The following RTN4RL1 variants were observed in gnomAD, a reference collection of about 807,000 sequenced individuals.
RTN4RL1 encodes reticulon 4 receptor like 1, also known as reticulon-4 receptor-like 1.
Under a neutral mutation model 25.6 loss-of-function variants are expected in RTN4RL1, and 7 were observed. That is an observed-to-expected ratio of 0.27 (90% CI 0.16 to 0.51). The LOEUF (loss-of-function observed/expected upper bound fraction) is 0.51, where lower values mean the gene tolerates loss of function less well. Among genes scored for constraint, RTN4RL1 ranks in the 20% least tolerant of loss-of-function variants. The pLI is 0.97. For synonymous variants in RTN4RL1, 297 were observed against 288.2 expected (o/e 1.03, Z -0.31); for missense variants, 500 against 615.6 (o/e 0.81, Z 1.99).
chr17:1,999,673 G>GC (rs61003177), intron 1 of RTN4RL1, among the ~76,000 whole-genome samples: 97,104 of 150,402 alleles, frequency 0.65, 31,521 homozygotes, highest in Middle Eastern at 0.7. Flanking sequence ...CCCTATACAT[G>GC]CCCCCCCCAC....
intron 1 of RTN4RL1, among the ~76,000 whole-genome samples, chr17:1,952,533 C>T (rs1047441276): frequency 6.6e-6 from 1 of 151,424 alleles, no homozygotes; most frequent in Admixed American, 6.6e-5. Context: ...TTAGTAGAGA[C>T]GGGGTTTCAT....
chr17:1,955,137 T>C (rs1475861418), intron 1 of RTN4RL1, among the ~76,000 whole-genome samples: 2 of 152,192 alleles, frequency 1.3e-5, no homozygotes, highest in South Asian at 2.1e-4. Flanking sequence ...TGCCAGTCTG[T>C]GACCTCAGGC....
chr17:2,015,675 A>T lies in RTN4RL1; in HGVS notation c.13+9178T>A, dbSNP rs571958583. On this transcript the variant is annotated intron_variant, in intron 1 of 1. Coordinates refer to ENST00000331238, the MANE Select transcript of RTN4RL1 (RefSeq NM_178568.4). ...TGTCAAGCCAGAGCAGTGACTGTGG[A>T]TGCCAGGGAAAAAGCAGGGTCTGGC... Among the ~76,000 whole-genome samples, 8 of 152,332 alleles carry T rather than the reference A, an allele frequency of 5.3e-5. No individual in the cohort carries two copies. In the South Asian group the frequency reaches 1.7e-3, roughly 32 times the overall value.
intron 1 of RTN4RL1, among the ~76,000 whole-genome samples, chr17:1,992,927 G>T (rs1343932919): frequency 6.6e-6 from 1 of 152,184 alleles, no homozygotes; most frequent in Non-Finnish European, 1.5e-5. Context: ...CGGCCTGAAT[G>T]ATGTCACTGT....
At chr17:1,983,427 C>T (rs985430192) in intron 1 of RTN4RL1, among the ~76,000 whole-genome samples, 18 of 152,328 alleles carry the variant, frequency 1.2e-4, no homozygotes, top group African/African-American at 3.6e-4. Flanking sequence ...ACAAAACATC[C>T]GCAAGCCCTT....
chr17:1,959,035 C>A (rs982765476), intron 1 of RTN4RL1, among the ~76,000 whole-genome samples: 2 of 152,236 alleles, frequency 1.3e-5, no homozygotes, highest in Non-Finnish European at 2.9e-5. Flanking sequence ...TCTCAAAACA[C>A]GCCGGTGGGC....
intron 1 of RTN4RL1, among the ~76,000 whole-genome samples, chr17:1,986,948 C>T (rs1041260861): frequency 4.6e-5 from 7 of 151,696 alleles, no homozygotes; most frequent in East Asian, 1.9e-4. Context: ...ATCTCTAAGC[C>T]GCAGCTTCCT....
At chr17:1,942,856 G>C (rs144322578) in intron 1 of RTN4RL1, among the ~76,000 whole-genome samples, 204 of 152,264 alleles carry the variant, frequency 1.3e-3, no homozygotes, top group African/African-American at 4.5e-3. Context: ...GCCACAGCCC[G>C]TGCGAAGGCC....
At chr17:2,014,043 T>C (rs1399562410) in intron 1 of RTN4RL1, among the ~76,000 whole-genome samples, 1 of 152,242 alleles carries the variant, frequency 6.6e-6, no homozygotes. Flanking sequence ...CCTTGGATCA[T>C]TTCCCAAATA....
intron 1 of RTN4RL1, among the ~76,000 whole-genome samples, chr17:1,976,797 G>C (rs1017186375): frequency 6.6e-6 from 1 of 152,202 alleles, no homozygotes; most frequent in Non-Finnish European, 1.5e-5. Flanking sequence ...ACTAAAGCCC[G>C]GTCTTTGGGT....
At chr17:1,999,681 C>A (rs896542945) in intron 1 of RTN4RL1, among the ~76,000 whole-genome samples, 2 of 131,470 alleles carry the variant, frequency 1.5e-5, no homozygotes, top group Non-Finnish European at 3.3e-5. Context: ...ATGCCCCCCC[C>A]ACACACACAC....
intron 1 of RTN4RL1, among the ~76,000 whole-genome samples, chr17:2,008,454 G>A (rs2067017469): frequency 6.6e-6 from 1 of 152,198 alleles, no homozygotes; most frequent in Non-Finnish European, 1.5e-5. Flanking sequence ...GCCGGATTAT[G>A]AAATGCACGA....
intron 1 of RTN4RL1, among the ~76,000 whole-genome samples, chr17:1,962,476 A>G (rs2066769205): frequency 6.6e-6 from 1 of 151,750 alleles, no homozygotes; most frequent in African/African-American, 2.4e-5. Flanking sequence ...TCCCTGCCTC[A>G]GCCTCCCGAG....
At chr17:1,982,618 GAAAAGAAAAGAA>G (rs2066872324) in intron 1 of RTN4RL1, among the ~76,000 whole-genome samples, 7 of 62,960 alleles carry the variant, frequency 1.1e-4, no homozygotes, top group African/African-American at 7.1e-4. Flanking sequence ...CGTCTCAAAA[GAAAAGAAAAGAA>G]AAGAAAAGAA....
rs1296241833 is a variant in RTN4RL1 at position 1,965,411 on chromosome 17, CCA to C, written c.14-27605_14-27604del. On this transcript the variant is annotated intron_variant, in intron 1 of 1. Transcript: ENST00000331238. ...ACAGGCATGAGCCACTGCGCCCAGT[CCA>C]GTTTGCTTTTCTAATATGGCTACTA... is the stretch of plus-strand genomic sequence containing the variant. Among the ~76,000 whole-genome samples the C allele has an allele frequency of 2.6e-5, 4 of 152,178 alleles. No homozygotes were observed. The East Asian group carries it at 5.8e-4, about 22-fold the overall frequency.
At position 1,937,320 on chromosome 17, in the gene RTN4RL1, TGTC is replaced by T. The variant is rs1915331101; in HGVS notation, c.499_501del (p.Asp167del). 1 of 1,613,392 alleles carries T rather than the reference TGTC, an allele frequency of 6.2e-7. No homozygotes were observed. The highest frequency in any genetic ancestry group is 1.3e-5 in the African/African-American group (1 of 74,894). ...CTGAGGTTGACCAGGTCCACGAAGATGTCGTCCTGGAGGTACTCGATGTGGTTG... is the reference window on the plus strand; with the variant it reads ...CTGAGGTTGACCAGGTCCACGAAGATGTCCTGGAGGTACTCGATGTGGTTG... On this transcript the variant is annotated inframe_deletion, in exon 2 of 2. Coordinates refer to ENST00000331238, the MANE Select transcript of RTN4RL1 (RefSeq NM_178568.4).
rs1387699577 is a variant in RTN4RL1 at position 1,998,137 on chromosome 17, AG to A, written c.13+26715del. On this transcript the variant is annotated intron_variant, in intron 1 of 1. Coordinates refer to ENST00000331238, the MANE Select transcript of RTN4RL1 (RefSeq NM_178568.4). This position sits in a 1 kb window ranked among gnomAD's most constrained non-coding sequence, Gnocchi z 4.9. ...TGGCAGGGGAGCCAGACGGCGGCGG[AG>A]GGGGCGGGGAGGCCTCCTTGGCTCC... Among the ~76,000 whole-genome samples, 2 of 151,740 alleles carry A rather than the reference AG, an allele frequency of 1.3e-5. No individual in the cohort carries two copies. The highest frequency in any genetic ancestry group is 4.8e-5 in the African/African-American group (2 of 41,344).
chr17:2,018,205 A>C (rs2067151558), intron 1 of RTN4RL1: 1 of 152,442 alleles, frequency 6.6e-6, no homozygotes, highest in African/African-American at 2.4e-5. Flanking sequence ...CCTGGAGGGA[A>C]GCCAGGGAGA....
At chr17:1,977,569 C>CCG (rs2066847930) in intron 1 of RTN4RL1, among the ~76,000 whole-genome samples, 1 of 152,140 alleles carries the variant, frequency 6.6e-6, no homozygotes, top group South Asian at 2.1e-4. Context: ...CAGGAACCAC[C>CCG]CGCGGCTGGG....
Sources: allele counts gnomAD v4.1 joint callset (sites outside exome capture counted in the v4.1 genomes callset), GRCh38; gene constraint gnomAD v4.1.1; non-coding constraint Gnocchi (gnomAD v3.1); transcripts MANE v1.5; gene names NCBI Gene and HGNC (gene_info 2026-07-23, HGNC 2026-07-21).